UNC5D: variants seen among roughly 807,000 people sequenced by gnomAD.
The protein encoded by UNC5D is netrin receptor UNC5D.
In UNC5D, 39 loss-of-function variants were observed where a neutral mutation model predicts 105.4. The observed-to-expected ratio is 0.37, with a 90% CI of 0.29 to 0.48. UNC5D has a LOEUF of 0.48. UNC5D is among the 20% of genes least tolerant of loss of function. The probability of loss-of-function intolerance (pLI) is 0.98; values close to 1 mark genes in which losing one functional copy is unlikely to be tolerated. For missense variants in UNC5D, 991 were observed against 1,202.4 expected (o/e 0.82, Z 2.60); for synonymous variants, 452 against 450.4 (o/e 1.00, Z -0.04).
chr8:35,476,993 T>A (rs1271390392), intron 1 of UNC5D, among the ~76,000 whole-genome samples: 1 of 152,214 alleles, frequency 6.6e-6, no homozygotes, highest in African/African-American at 2.4e-5. Flanking sequence ...GTGATCATTA[T>A]AGCAGTGCAT....
chr8:35,734,892 C>G (rs1829385824), intron 11 of UNC5D, among the ~76,000 whole-genome samples: 1 of 149,590 alleles, frequency 6.7e-6, no homozygotes, highest in Admixed American at 6.7e-5. Context: ...AAGTGATTCT[C>G]TCTGCCTCAG....
At chr8:35,739,690 C>T (rs938406645) in intron 11 of UNC5D, among the ~76,000 whole-genome samples, 1 of 152,150 alleles carries the variant, frequency 6.6e-6, no homozygotes. Flanking sequence ...AAAGGAGCAC[C>T]ACATACTGTA....
intron 1 of UNC5D, among the ~76,000 whole-genome samples, chr8:35,271,718 C>CAGGTATACATATAT (rs1805394118): frequency 2.2e-5 from 1 of 45,510 alleles, no homozygotes; most frequent in Non-Finnish European, 4.5e-5. Flanking sequence ...TATATTTATA[C>CAGGTATACATATAT]ATGTATACAT....
intron 1 of UNC5D, among the ~76,000 whole-genome samples, chr8:35,522,800 C>CCT (rs1244812249): frequency 5.3e-5 from 8 of 152,174 alleles, no homozygotes; most frequent in African/African-American, 1.9e-4. Flanking sequence ...GATTTGGACC[C>CCT]CTCTCTTCCT....
intron 4 of UNC5D, among the ~76,000 whole-genome samples, chr8:35,658,631 A>G (rs2131219154): frequency 6.7e-6 from 1 of 148,332 alleles, no homozygotes; most frequent in Non-Finnish European, 1.5e-5. Flanking sequence ...TAAAGGGAGG[A>G]ATTCATGAGT....
intron 4 of UNC5D, among the ~76,000 whole-genome samples, chr8:35,648,803 C>G (rs945052306): frequency 6.6e-6 from 1 of 151,656 alleles, no homozygotes; most frequent in Admixed American, 6.6e-5. Context: ...AGTTGGGGTT[C>G]TGATAATGCA....
At chr8:35,757,517 T>C (rs1310875421) in intron 13 of UNC5D, among the ~76,000 whole-genome samples, 1 of 152,176 alleles carries the variant, frequency 6.6e-6, no homozygotes, top group African/African-American at 2.4e-5. Context: ...TCCTGGTCTG[T>C]CCTCCCATCT....
intron 14 of UNC5D, among the ~76,000 whole-genome samples, chr8:35,763,334 T>A (rs1480913706): frequency 6.6e-6 from 1 of 152,196 alleles, no homozygotes; most frequent in African/African-American, 2.4e-5. Flanking sequence ...AAGAATTATC[T>A]CTGCAGTAGG....
intron 1 of UNC5D, among the ~76,000 whole-genome samples, chr8:35,422,486 T>C (rs1767133824): frequency 6.6e-6 from 1 of 152,218 alleles, no homozygotes; most frequent in African/African-American, 2.4e-5. Context: ...AGACCACTCA[T>C]TGGATTCAAT....
At chr8:35,510,310 C>CAAAAAA (rs11317897) in intron 1 of UNC5D, among the ~76,000 whole-genome samples, 1 of 71,848 alleles carries the variant, frequency 1.4e-5, no homozygotes. Flanking sequence ...TTTTTATATC[C>CAAAAAA]AAAAAAAAAA....
chr8:35,702,869 A>T (rs1827306565), intron 7 of UNC5D, among the ~76,000 whole-genome samples: 1 of 152,144 alleles, frequency 6.6e-6, no homozygotes, highest in Non-Finnish European at 1.5e-5. Flanking sequence ...ATACACACTG[A>T]TACAGAAGAT....
At chr8:35,413,294 G>GTGTGT (rs1805315312) in intron 1 of UNC5D, among the ~76,000 whole-genome samples, 1 of 137,782 alleles carries the variant, frequency 7.3e-6, no homozygotes, top group African/African-American at 2.8e-5. Context: ...TGTGTGTGTT[G>GTGTGT]TGTGTGTGTG....
At chr8:35,428,345 TA>T (rs1426016198) in intron 1 of UNC5D, among the ~76,000 whole-genome samples, 2 of 107,914 alleles carry the variant, frequency 1.9e-5, no homozygotes, top group Non-Finnish European at 3.6e-5. Context: ...CATGCCTGGC[TA>T]TTTTTTTTTT....
intron 3 of UNC5D, among the ~76,000 whole-genome samples, chr8:35,584,201 A>G (rs1247574682): frequency 6.6e-6 from 1 of 152,156 alleles, no homozygotes; most frequent in Non-Finnish European, 1.5e-5. Flanking sequence ...GCACAAAAAA[A>G]GAAGCAGGTG....
intron 14 of UNC5D, among the ~76,000 whole-genome samples, chr8:35,763,146 T>C (rs2131695145): frequency 6.6e-6 from 1 of 152,300 alleles, no homozygotes; most frequent in East Asian, 1.9e-4. Context: ...TTTTTAAGTG[T>C]TTTGTTGAAT....
At chr8:35,655,238 C>T (rs1223105566) in intron 4 of UNC5D, among the ~76,000 whole-genome samples, 1 of 152,226 alleles carries the variant, frequency 6.6e-6, no homozygotes, top group Non-Finnish European at 1.5e-5. Flanking sequence ...TCATAGTCAT[C>T]TGGTTTTAGC....
intron 3 of UNC5D, among the ~76,000 whole-genome samples, chr8:35,590,946 C>T (rs1350143856): frequency 3.3e-5 from 5 of 152,122 alleles, no homozygotes. Context: ...ATGCATCTTT[C>T]TTCCCTGATC....
In UNC5D at chr8:35,748,631, C is replaced by T. The variant is rs766648515; in HGVS notation, c.1871C>T (p.Ala624Val). 1 of 1,614,034 alleles carries T rather than the reference C, an allele frequency of 6.2e-7. No individual in the cohort carries two copies. The highest frequency in any genetic ancestry group is 8.5e-7 in the Non-Finnish European group (1 of 1,179,932). ...TTTGCATTGACCATCCCGCACTGTG[C>T]AGATGTCAGTTCTGAGCATTGGAAT... is the stretch of plus-strand genomic sequence containing the variant. ...TPFALTIPHCADVSSEHWNIH... is the reference protein window; with the variant it reads ...TPFALTIPHCVDVSSEHWNIH... Residue 624 changes from alanine to valine, a missense_variant, in exon 12 of 17, where the codon GCA becomes GTA. Around this residue, in one of 3 missense-constraint regions of UNC5D, gnomAD observed 944 missense variants for 1,131.6 expected, o/e 0.83. Coordinates refer to ENST00000404895, the MANE Select transcript of UNC5D (RefSeq NM_080872.4).
chr8:35,469,951 A>G (rs949864567), intron 1 of UNC5D, among the ~76,000 whole-genome samples: 1 of 152,226 alleles, frequency 6.6e-6, no homozygotes, highest in Non-Finnish European at 1.5e-5. Context: ...TGTATGCTAC[A>G]TAATTATTAA....
Sources: allele counts gnomAD v4.1 joint callset (sites outside exome capture counted in the v4.1 genomes callset), GRCh38; gene constraint gnomAD v4.1.1; regional missense constraint gnomAD v4.1.1; transcripts MANE v1.5; gene names NCBI Gene and HGNC (gene_info 2026-07-23, HGNC 2026-07-21).